The following HFM1 variants were observed in gnomAD, a reference collection of about 807,000 sequenced individuals.
HFM1 encodes probable ATP-dependent DNA helicase HFM1.
A neutral mutation model predicts 192.1 loss-of-function variants in HFM1; 169 were observed. The observed-to-expected ratio is 0.88, with a 90% CI of 0.78 to 1.00. The LOEUF (loss-of-function observed/expected upper bound fraction) is 1.00. HFM1 is among the 50% of genes least tolerant of loss of function. HFM1 has a pLI of 0.00. For missense variants in HFM1, 1,661 were observed against 1,668.0 expected, an observed-to-expected ratio of 1.00 and a Z score of 0.07; for synonymous variants, 525 against 537.8, an observed-to-expected ratio of 0.98 and a Z score of 0.33.
chr1:91,398,387 T>A (rs1284434163), intron 2 of HFM1, among the ~76,000 whole-genome samples: 1 of 152,218 alleles, frequency 6.6e-6, no homozygotes, highest in Non-Finnish European at 1.5e-5. Flanking sequence ...GCTTCTTAAA[T>A]TTATCATTTC....
chr1:91,276,339 C>T (rs149461199), intron 32 of HFM1, among the ~76,000 whole-genome samples: 2 of 152,288 alleles, frequency 1.3e-5, no homozygotes, highest in African/African-American at 4.8e-5. Flanking sequence ...GTATCTCTCA[C>T]TCTACTACAA....
At position 91,315,983 on chromosome 1, in the gene HFM1, G is replaced by A. The variant is rs1651143937; in HGVS notation, c.2983-11C>T. The A allele has an allele frequency of 3.2e-6, 5 of 1,566,842 alleles. No homozygotes were observed. In the South Asian group the frequency reaches 3.4e-5, roughly 11 times the overall value. Reference sequence around the variant, plus strand: ...ACTATATCTTGTAATCTTTAAAAAAGGACAAGTATAAAAAGTGTTAAAAAT... The same window carrying A: ...ACTATATCTTGTAATCTTTAAAAAAAGACAAGTATAAAAAGTGTTAAAAAT... On this transcript the variant is annotated splice_polypyrimidine_tract_variant and intron_variant, in intron 27 of 38. Coordinates refer to ENST00000370425, the MANE Select transcript of HFM1 (RefSeq NM_001017975.6).
intron 13 of HFM1, among the ~76,000 whole-genome samples, chr1:91,366,993 C>A (rs1448434732): frequency 1.3e-5 from 2 of 152,212 alleles, no homozygotes; most frequent in Non-Finnish European, 2.9e-5. Flanking sequence ...CCTACACCCA[C>A]AGAGCCTCGC....
chr1:91,296,226 C>A (rs1161720072), intron 30 of HFM1, among the ~76,000 whole-genome samples: 1 of 152,156 alleles, frequency 6.6e-6, no homozygotes, highest in Non-Finnish European at 1.5e-5. Flanking sequence ...GACTGACATA[C>A]AATTTTTTCC....
At chr1:91,378,304 A>C in intron 10 of HFM1, 99 bp downstream of exon 10, 1 of 1,251,000 alleles carries the variant, frequency 8.0e-7, no homozygotes, top group Non-Finnish European at 1.1e-6. Flanking sequence ...ACTTGAAGGG[A>C]TAAAACAAAC....
intron 4 of HFM1, among the ~76,000 whole-genome samples, chr1:91,391,284 G>A (rs1459123940): frequency 4.6e-5 from 7 of 152,174 alleles, no homozygotes; most frequent in Non-Finnish European, 8.8e-5. Flanking sequence ...AACAGAGCCC[G>A]CATTGCCAAG....
intron 20 of HFM1, among the ~76,000 whole-genome samples, chr1:91,329,977 C>T (rs1300343518): frequency 1.3e-5 from 2 of 152,144 alleles, no homozygotes; most frequent in Admixed American, 1.3e-4. Flanking sequence ...CAGGAAGGCG[C>T]ATCTTAGCAG....
chr1:91,403,488 A>G (rs1485606156), intron 1 of HFM1, among the ~76,000 whole-genome samples: 2 of 152,160 alleles, frequency 1.3e-5, no homozygotes, highest in African/African-American at 2.4e-5. Context: ...AAAAAGAAAC[A>G]CAGGTCCTAA....
At position 91,347,433 on chromosome 1, in the gene HFM1, T is replaced by C. The variant is rs554778064; in HGVS notation, c.2250A>G (p.Leu750=). Residue 750 remains leucine, a synonymous_variant, in exon 19 of 39, where the codon TTA becomes TTG. Transcript: ENST00000370425. ...GLNKDGIEAK[L]QELCLKNLND... is the part of the protein sequence containing the mutation. Reference sequence around the variant, plus strand: ...TTAGAATGAAATGCATCTAACCTTGTAATTTTGCTTCAATTCCATCTTTGT... The same window carrying C: ...TTAGAATGAAATGCATCTAACCTTGCAATTTTGCTTCAATTCCATCTTTGT... 7 of 1,575,350 alleles carry C rather than the reference T, an allele frequency of 4.4e-6. No homozygotes were observed. In the Admixed American group the frequency reaches 8.7e-5, roughly 20 times the overall value.
At chr1:91,328,772 G>A in intron 20 of HFM1, 3 of 1,611,108 alleles carry the variant, frequency 1.9e-6, no homozygotes, top group African/African-American at 1.3e-5. Context: ...TAAGTGGCTG[G>A]TGAAGGTCAC....
At chr1:91,347,510 C>T (rs1656297503) in intron 18 of HFM1, 34 bp from the exon 19 acceptor site, 4 of 1,477,558 alleles carry the variant, frequency 2.7e-6, no homozygotes, top group Middle Eastern at 1.8e-4. Flanking sequence ...TAGAATTTAG[C>T]TCATCTTTAC....
At chr1:91,317,114 C>A (rs2101197265) in intron 25 of HFM1, among the ~76,000 whole-genome samples, 1 of 152,214 alleles carries the variant, frequency 6.6e-6, no homozygotes, top group East Asian at 1.9e-4. Context: ...TCATTCTATT[C>A]CTTAAATACA....
chr1:91,343,307 A>G (rs1222719063), intron 20 of HFM1, 123 bp downstream of exon 20: 1 of 468,696 alleles, frequency 2.1e-6, no homozygotes, highest in East Asian at 4.2e-5. Flanking sequence ...AATAATGATG[A>G]TACCCTGTTG....
At position 91,273,555 on chromosome 1, in the gene HFM1, C is replaced by G. The variant is rs540722992; in HGVS notation, c.3772+157G>C. Among the ~76,000 whole-genome samples, 3 of 151,746 alleles carry G rather than the reference C, an allele frequency of 2.0e-5. No individual in the cohort carries two copies. The South Asian group carries it at 6.3e-4, about 32-fold the overall frequency. ...GAGTAAGACCATCTCAATAACAGACCCAAGAATTTGAAAATGATTCAGTAA... is the reference window on the plus strand; with the variant it reads ...GAGTAAGACCATCTCAATAACAGACGCAAGAATTTGAAAATGATTCAGTAA... On this transcript the variant is annotated intron_variant, in intron 34 of 38. Transcript: ENST00000370425.
chr1:91,347,255 A>G (rs1656260333), intron 19 of HFM1, among the ~76,000 whole-genome samples, 174 bp downstream of exon 19: 1 of 152,248 alleles, frequency 6.6e-6, no homozygotes. Context: ...AATTCAGCAA[A>G]AAAGTATATA....
rs145926902 is a variant in HFM1, at chr1:91,364,031, G to A, written c.1686-10732C>T. 5.2e-3 allele frequency among the ~76,000 whole-genome samples: 796 copies of A among 152,198 alleles called. 2 individuals are homozygous for A. Among genetic ancestry groups the A allele is most frequent in the Non-Finnish European group, 7.7e-3 (525 of 68,002 alleles). On this transcript the variant is annotated intron_variant, in intron 13 of 38. Coordinates refer to ENST00000370425, the MANE Select transcript of HFM1 (RefSeq NM_001017975.6). ...AGGGGAACACATTGGGACCTGTTGG[G>A]GAGGTTGGGGAGGGAGAGCATTAAG...
intron 30 of HFM1, among the ~76,000 whole-genome samples, chr1:91,280,794 T>C (rs998393556): frequency 6.6e-6 from 1 of 152,224 alleles, no homozygotes; most frequent in Non-Finnish European, 1.5e-5. Context: ...TCCTGTGGAA[T>C]TGGGGATGTA....
intron 2 of HFM1, among the ~76,000 whole-genome samples, chr1:91,397,521 G>A (rs1446065082): frequency 6.6e-6 from 1 of 152,196 alleles, no homozygotes; most frequent in Non-Finnish European, 1.5e-5. Context: ...TCTAAAGTGA[G>A]AAACTCAGTC....
chr1:91,307,274 T>C (rs995737604), intron 30 of HFM1, among the ~76,000 whole-genome samples: 18 of 152,176 alleles, frequency 1.2e-4, no homozygotes, highest in African/African-American at 4.3e-4. Flanking sequence ...ATTTTTTTGC[T>C]TTGCATTTTA....
Sources: allele counts gnomAD v4.1 joint callset (sites outside exome capture counted in the v4.1 genomes callset), GRCh38; gene constraint gnomAD v4.1.1; transcripts MANE v1.5; gene names NCBI Gene and HGNC (gene_info 2026-07-23, HGNC 2026-07-21).